Variants in NBAS observed in about 807,000 individuals in gnomAD.
NBAS encodes the protein NBAS subunit of NRZ tethering complex, also known as NAG/BC035112 fusion.
NBAS carries 219 observed loss-of-function variants against 302.5 expected under a neutral mutation model. That is an observed-to-expected ratio of 0.72 (90% CI 0.65 to 0.81). The LOEUF is 0.81. Ranked by LOEUF, NBAS falls within the 30% of genes least tolerant of loss-of-function variation. The probability of loss-of-function intolerance (pLI) is 0.00; values close to 1 mark genes in which losing one functional copy is unlikely to be tolerated. For missense variants in NBAS, 2,932 were observed against 2,841.6 expected (o/e 1.03, Z -0.72); for synonymous variants, 1,118 against 1,021.6 (o/e 1.09, Z -1.80).
chr2:15,185,041 A>C (rs1665012887), intron 50 of NBAS, among the ~76,000 whole-genome samples: 1 of 152,230 alleles, frequency 6.6e-6, no homozygotes, highest in South Asian at 2.1e-4. Flanking sequence ...TATGAGAGAC[A>C]TTCAATATTC....
At position 15,292,515 on chromosome 2, in the gene NBAS, T is replaced by C. The variant is rs544567501; in HGVS notation, c.5027+22A>G. The C allele has an allele frequency of 2.5e-6, 4 of 1,609,268 alleles. No individual in the cohort carries two copies. In the African/African-American group the frequency reaches 4.0e-5, roughly 16 times the overall value. ...TTTGCAGTTTAAATCCATCCCCTTATGAAACAAAGGGTATCACTTACTCTG... is the reference window on the plus strand; with the variant it reads ...TTTGCAGTTTAAATCCATCCCCTTACGAAACAAAGGGTATCACTTACTCTG... On this transcript the variant is annotated intron_variant, in intron 41 of 51. Coordinates refer to ENST00000281513, the MANE Select transcript of NBAS (RefSeq NM_015909.4).
At chr2:15,518,196 A>G (rs1433912487) in intron 9 of NBAS, among the ~76,000 whole-genome samples, 1 of 151,722 alleles carries the variant, frequency 6.6e-6, no homozygotes, top group Middle Eastern at 3.2e-3. Flanking sequence ...GTAGTGAAAT[A>G]CTCAAAAGGA....
intron 41 of NBAS, 115 bp from the exon 42 acceptor site, chr2:15,287,298 G>A: frequency 1.3e-6 from 1 of 771,654 alleles, no homozygotes; most frequent in South Asian, 1.4e-5. Flanking sequence ...AAGCAGTGTG[G>A]TCCTTAATAA....
chr2:15,034,491 T>C, the NBAS span, among the ~76,000 whole-genome samples: 1 of 152,076 alleles, frequency 6.6e-6, no homozygotes, highest in South Asian at 2.1e-4. Flanking sequence ...ATTTCTGTTG[T>C]TTTTAAGCAA....
At chr2:15,545,719 G>T (rs1664076667) in intron 6 of NBAS, among the ~76,000 whole-genome samples, 1 of 152,104 alleles carries the variant, frequency 6.6e-6, no homozygotes, top group Admixed American at 6.5e-5. Flanking sequence ...AACATTTAAG[G>T]AAGAAATAAT....
At chr2:14,972,444 T>C in the NBAS span, among the ~76,000 whole-genome samples, 5 of 151,906 alleles carry the variant, frequency 3.3e-5, no homozygotes, top group African/African-American at 1.2e-4. Context: ...ATAATAATAA[T>C]AAAGAATGTC....
At chr2:15,111,359 T>A in the NBAS span, among the ~76,000 whole-genome samples, 6 of 152,022 alleles carry the variant, frequency 3.9e-5, no homozygotes, top group Non-Finnish European at 7.4e-5. Context: ...GAATCCCACA[T>A]TGGGAGTGGG....
chr2:14,842,619 T>C, the NBAS span, among the ~76,000 whole-genome samples: 6 of 151,778 alleles, frequency 4.0e-5, no homozygotes, highest in Non-Finnish European at 5.9e-5. Context: ...GATTCAACCA[T>C]AAAGAAATAC....
the NBAS span, among the ~76,000 whole-genome samples, chr2:15,014,493 CA>C: frequency 2.0e-5 from 3 of 152,162 alleles, no homozygotes; most frequent in East Asian, 5.8e-4. Context: ...GGAAACTACA[CA>C]AACACATGGA....
the NBAS span, among the ~76,000 whole-genome samples, chr2:15,123,780 G>A: frequency 6.6e-6 from 1 of 152,174 alleles, no homozygotes; most frequent in African/African-American, 2.4e-5. Context: ...GCAGAACTGT[G>A]AGCCAATTTA....
intron 9 of NBAS, among the ~76,000 whole-genome samples, chr2:15,533,681 T>TGC (rs1307921046): frequency 4.4e-3 from 12 of 2,750 alleles, no homozygotes; most frequent in East Asian, 0.017. Context: ...GGGGTGTGCG[T>TGC]GTGTGTGTGT....
chr2:15,419,998 C>T (rs536108786), intron 23 of NBAS, among the ~76,000 whole-genome samples: 11 of 152,290 alleles, frequency 7.2e-5, no homozygotes, highest in African/African-American at 2.6e-4. Flanking sequence ...AGGCATAAGT[C>T]ACCATGCCCA....
intron 47 of NBAS, among the ~76,000 whole-genome samples, chr2:15,220,182 A>AC (rs1197540886): frequency 5.7e-5 from 6 of 104,518 alleles, no homozygotes; most frequent in African/African-American, 1.5e-4. Flanking sequence ...CGGGGGGCTG[A>AC]CCCCCCCACC....
intron 12 of NBAS, 148 bp downstream of exon 12, chr2:15,488,746 G>A: frequency 9.8e-7 from 1 of 1,016,896 alleles, no homozygotes. Context: ...TTATCCCACT[G>A]TACTGATATC....
chr2:15,497,844 G>C (rs1681126337), intron 11 of NBAS, among the ~76,000 whole-genome samples: 1 of 151,984 alleles, frequency 6.6e-6, no homozygotes, highest in Non-Finnish European at 1.5e-5. Context: ...CCTATGAGTA[G>C]GTATTGAAAT....
chr2:15,157,801 A>G, the NBAS span, among the ~76,000 whole-genome samples: 1 of 152,184 alleles, frequency 6.6e-6, no homozygotes, highest in African/African-American at 2.4e-5. Context: ...TCTCATTCCC[A>G]GCATTGCTGC....
At chr2:14,807,454 A>AGTGTGTGT in the NBAS span, among the ~76,000 whole-genome samples, 9 of 147,342 alleles carry the variant, frequency 6.1e-5, no homozygotes, top group African/African-American at 1.5e-4. Flanking sequence ...TGTGTGTGTG[A>AGTGTGTGT]GTGTGTGTGT....
At chr2:14,801,788 A>G in the NBAS span, among the ~76,000 whole-genome samples, 1 of 152,280 alleles carries the variant, frequency 6.6e-6, no homozygotes, top group Admixed American at 6.5e-5. Flanking sequence ...TGATTAAGTT[A>G]TTTAAAAACA....
At chr2:15,231,056 G>A (rs1667362079) in intron 47 of NBAS, among the ~76,000 whole-genome samples, 2 of 152,182 alleles carry the variant, frequency 1.3e-5, no homozygotes, top group Admixed American at 1.3e-4. Context: ...AGTGACTATG[G>A]CTACAGGCCA....
Sources: gnomAD v4.1 joint callset for allele counts (sites outside exome capture counted in the v4.1 genomes callset) on GRCh38, gnomAD v4.1.1 for gene constraint, MANE v1.5 for transcripts, NCBI Gene and HGNC (gene_info 2026-07-23, HGNC 2026-07-21) for gene names.